The following CACHD1 variants were observed in gnomAD, a reference collection of about 807,000 sequenced individuals.
CACHD1 encodes VWFA and cache domain-containing protein 1.
In CACHD1, 71 loss-of-function variants were observed where a neutral mutation model predicts 138.7. That is an observed-to-expected ratio of 0.51 (90% CI 0.42 to 0.62). The LOEUF (loss-of-function observed/expected upper bound fraction) is 0.62, where lower values mean the gene tolerates loss of function less well. CACHD1 is among the 20% of genes least tolerant of loss of function. The pLI is 0.00. For missense variants in CACHD1, 1,389 were observed against 1,625.3 expected (o/e 0.85, Z 2.50); for synonymous variants, 578 against 591.5 (o/e 0.98, Z 0.33).
At chr1:64,632,776 A>C (rs1409537870) in intron 6 of CACHD1, 33 bp downstream of exon 6, 1 of 1,612,204 alleles carries the variant, frequency 6.2e-7, no homozygotes, top group African/African-American at 1.3e-5. Flanking sequence ...CTATGGCATC[A>C]GGTTCTCCTT....
intron 1 of CACHD1, among the ~76,000 whole-genome samples, chr1:64,486,349 C>T (rs184047402): frequency 1.4e-4 from 17 of 117,826 alleles, no homozygotes; most frequent in Admixed American, 2.9e-4. Flanking sequence ...TGAGAGCGCG[C>T]GCACACACAC....
intron 2 of CACHD1, among the ~76,000 whole-genome samples, chr1:64,554,682 C>T (rs1224723612): frequency 6.6e-6 from 1 of 152,026 alleles, no homozygotes; most frequent in Non-Finnish European, 1.5e-5. Flanking sequence ...TATGAATGCT[C>T]CTTGTCCAGT....
At chr1:64,536,397 G>T (rs905849350) in intron 1 of CACHD1, among the ~76,000 whole-genome samples, 15 of 152,148 alleles carry the variant, frequency 9.9e-5, no homozygotes, top group African/African-American at 3.4e-4. Flanking sequence ...TATTTACTTG[G>T]TGGGGAGAAT....
chr1:64,678,436 C>G lies in CACHD1; in HGVS notation c.3244+126C>G, dbSNP rs187020797. ...TTCCTTTGCTGGTAGTCTTTAGTTA[C>G]AAAACCAAGGCAGATAATTACCTTC... On this transcript the variant is annotated intron_variant, in intron 23 of 26. Coordinates refer to ENST00000651257, the MANE Select transcript of CACHD1 (RefSeq NM_020925.4). 6.7e-5 allele frequency: 67 copies of G among 1,006,402 alleles called. No homozygotes were observed. In the African/African-American group the frequency reaches 9.2e-4, roughly 14 times the overall value. The allele number at this position is 1,006,402 out of a possible 1,614,324, so 62.3% of individuals were successfully genotyped here. A position where few individuals can be genotyped will look rare whatever the true frequency, so the allele number is the denominator to read the frequency against.
intron 12 of CACHD1, 84 bp downstream of exon 12, chr1:64,654,887 G>T (rs1240406574): frequency 1.0e-6 from 1 of 981,374 alleles, no homozygotes; most frequent in Non-Finnish European, 1.6e-6. Flanking sequence ...CCAGGGGGTG[G>T]CACTTGGGTC....
intron 4 of CACHD1, among the ~76,000 whole-genome samples, chr1:64,626,870 T>C (rs991468740): frequency 6.6e-6 from 1 of 152,196 alleles, no homozygotes; most frequent in Non-Finnish European, 1.5e-5. Context: ...GATACTGTGA[T>C]AATTAATTGA....
intron 2 of CACHD1, among the ~76,000 whole-genome samples, chr1:64,569,912 A>G (rs1328310971): frequency 6.6e-6 from 1 of 152,182 alleles, no homozygotes; most frequent in Non-Finnish European, 1.5e-5. Context: ...AAGTAAGCCC[A>G]TTTTACATGC....
At chr1:64,501,109 A>G (rs929204536) in intron 1 of CACHD1, among the ~76,000 whole-genome samples, 22 of 151,960 alleles carry the variant, frequency 1.4e-4, no homozygotes, top group Non-Finnish European at 2.6e-4. Flanking sequence ...TGCTATGCAG[A>G]TAGTAACAGT....
intron 3 of CACHD1, among the ~76,000 whole-genome samples, chr1:64,584,828 TAA>T (rs1367176585): frequency 6.6e-6 from 1 of 152,176 alleles, no homozygotes; most frequent in African/African-American, 2.4e-5. Context: ...TAGAAATGTA[TAA>T]GTTACTGGGT....
chr1:64,620,080 C>CT (rs1322683857), intron 4 of CACHD1, among the ~76,000 whole-genome samples: 17 of 152,092 alleles, frequency 1.1e-4, no homozygotes, highest in African/African-American at 4.1e-4. Context: ...GGGAATTTTT[C>CT]GTTGGTAAAG....
chr1:64,470,763 G>C lies in CACHD1; in HGVS notation c.19G>C (p.Glu7Gln), dbSNP rs1173458663. 2 of 787,632 alleles carry C rather than the reference G, an allele frequency of 2.5e-6. No homozygotes were observed. Among genetic ancestry groups the C allele is most frequent in the Non-Finnish European group, 3.9e-6 (2 of 508,004 alleles). 48.8% of individuals were successfully genotyped at this position (787,632 alleles called of 1,614,324 possible). A position where few individuals can be genotyped will look rare whatever the true frequency, so the allele number is the denominator to read the frequency against. ...AGGCAGCATGGCCCGCCAGCCGGAG[G>C]AAGAGGAGACGGCCGTGGCCCGGGC... MARQPE[E>Q]EETAVARARR... Residue 7 changes from glutamate to glutamine, a missense_variant, in exon 1 of 27, where the codon GAA (glutamate) becomes CAA (glutamine). Glu to Gln is a conservative substitution (Grantham distance 29, BLOSUM62 2). Around this residue, in one of 5 missense-constraint regions of CACHD1, gnomAD observed 1,000 missense variants for 1,114.7 expected, o/e 0.90. Transcript: ENST00000651257. The surrounding 1 kb of genome is among the most constrained non-coding windows in gnomAD (Gnocchi z 5.2).
intron 14 of CACHD1, chr1:64,664,167 C>G: frequency 2.3e-6 from 1 of 443,398 alleles, no homozygotes; most frequent in South Asian, 4.1e-5. Flanking sequence ...TGCTGTCTCT[C>G]GAGATAAATA....
Position 64,632,761 on chromosome 1 carries a change from G to C in CACHD1, c.789+18G>C. On this transcript the variant is annotated intron_variant, in intron 6 of 26. Coordinates refer to ENST00000651257, the MANE Select transcript of CACHD1 (RefSeq NM_020925.4). The stretch of plus-strand genomic sequence containing the variant: ...ATGACAAGGTGACCATGACCCTTGT[G>C]ACCCCTATGGCATCAGGTTCTCCTT... 1 of 1,613,738 alleles carries C rather than the reference G, an allele frequency of 6.2e-7. No homozygotes were observed. Among genetic ancestry groups the C allele is most frequent in the Non-Finnish European group, 8.5e-7 (1 of 1,179,764 alleles).
chr1:64,627,974 A>G (rs557086784), intron 4 of CACHD1, among the ~76,000 whole-genome samples: 1 of 152,348 alleles, frequency 6.6e-6, no homozygotes, highest in East Asian at 1.9e-4. Flanking sequence ...GATAGATGCT[A>G]TGAAGAAAAT....
chr1:64,499,510 G>A (rs754569960), intron 1 of CACHD1, among the ~76,000 whole-genome samples: 32 of 152,314 alleles, frequency 2.1e-4, no homozygotes, highest in Non-Finnish European at 1.5e-4. Context: ...AGGAGATGGT[G>A]AAACTCAGAG....
At chr1:64,684,064 G>C (rs1323238326) in intron 26 of CACHD1, among the ~76,000 whole-genome samples, 1 of 152,204 alleles carries the variant, frequency 6.6e-6, no homozygotes, top group Non-Finnish European at 1.5e-5. Flanking sequence ...GATTATAATG[G>C]AGCTGAAAAA....
intron 7 of CACHD1, 137 bp from the exon 8 acceptor site, chr1:64,641,683 A>G (rs1350091452): frequency 1.1e-5 from 6 of 559,006 alleles, no homozygotes; most frequent in African/African-American, 9.8e-5. Flanking sequence ...AAGCCACAGC[A>G]TCAAACAGGA....
At chr1:64,535,136 G>C (rs192667125) in intron 1 of CACHD1, among the ~76,000 whole-genome samples, 26 of 152,212 alleles carry the variant, frequency 1.7e-4, no homozygotes, top group Admixed American at 1.7e-3. Flanking sequence ...TCTGAACTTG[G>C]TGGACACAAG....
chr1:64,533,545 A>G (rs1646605813), intron 1 of CACHD1, among the ~76,000 whole-genome samples: 2 of 152,204 alleles, frequency 1.3e-5, no homozygotes, highest in Admixed American at 1.3e-4. Flanking sequence ...AAGAAATGCC[A>G]AACAGAGTTA....
Sources: gnomAD v4.1 joint callset for allele counts (sites outside exome capture counted in the v4.1 genomes callset) on GRCh38, gnomAD v4.1.1 for gene constraint, gnomAD v4.1.1 regional missense constraint, Gnocchi (gnomAD v3.1) non-coding constraint, MANE v1.5 for transcripts, NCBI Gene and HGNC (gene_info 2026-07-23, HGNC 2026-07-21) for gene names.